The following PFKFB3 variants were observed in gnomAD, a reference collection of about 807,000 sequenced individuals.
The protein encoded by PFKFB3 is 6-phosphofructo-2-kinase/fructose-2,6-bisphosphatase 3.
In PFKFB3, 33 loss-of-function variants were observed where a neutral mutation model predicts 68.0. That is an observed-to-expected ratio of 0.49 (90% confidence interval 0.37 to 0.65). PFKFB3 has a LOEUF of 0.65. Ranked by LOEUF, PFKFB3 falls within the 30% of genes least tolerant of loss-of-function variation. The probability of loss-of-function intolerance (pLI) is 0.00; values close to 1 mark genes in which losing one functional copy is unlikely to be tolerated. For missense variants in PFKFB3, 586 were observed against 712.2 expected (o/e 0.82, Z 2.02); for synonymous variants, 315 against 288.2 (o/e 1.09, Z -0.94).
intron 1 of PFKFB3, among the ~76,000 whole-genome samples, chr10:6,181,709 G>A (rs12217717): frequency 0.3 from 45,138 of 150,508 alleles, 7,130 homozygotes; most frequent in East Asian, 0.58. Flanking sequence ...AGGGTGGGAG[G>A]ATCACTTGAG....
At chr10:6,251,484 T>G (rs1846378942) in intron 14 of PFKFB3, among the ~76,000 whole-genome samples, 1 of 152,262 alleles carries the variant, frequency 6.6e-6, no homozygotes, top group Non-Finnish European at 1.5e-5. Flanking sequence ...GATGGTTTGT[T>G]ACAACCTTGT....
chr10:6,224,397 C>T (rs934513128), intron 13 of PFKFB3, 184 bp downstream of exon 13: 1 of 632,916 alleles, frequency 1.6e-6, no homozygotes, highest in African/African-American at 1.8e-5. Context: ...GCTTCTGGGG[C>T]CTTCTCATTT....
At chr10:6,285,064 CT>C in the PFKFB3 span, among the ~76,000 whole-genome samples, 1 of 152,114 alleles carries the variant, frequency 6.6e-6, no homozygotes, top group African/African-American at 2.4e-5. Context: ...CAAGTATCTG[CT>C]TAGCCTCCTG....
At chr10:6,281,166 CAT>C in the PFKFB3 span, among the ~76,000 whole-genome samples, 25 of 84,430 alleles carry the variant, frequency 3.0e-4, 2 homozygotes, top group Admixed American at 3.8e-4. Context: ...AGTATTCCAT[CAT>C]ATATATATAT....
intron 1 of PFKFB3, among the ~76,000 whole-genome samples, chr10:6,205,581 CG>C (rs1422516440): frequency 6.6e-6 from 1 of 151,748 alleles, no homozygotes; most frequent in Admixed American, 6.6e-5. Context: ...TTAGTAAAGA[CG>C]GGGTTTCACC....
At chr10:6,274,564 A>G in the PFKFB3 span, among the ~76,000 whole-genome samples, 1 of 152,234 alleles carries the variant, frequency 6.6e-6, no homozygotes, top group Non-Finnish European at 1.5e-5. Context: ...CATCTGCAAC[A>G]GGCTGGGTGT....
At chr10:6,226,493 G>A (rs1845368484) in intron 14 of PFKFB3, 128 bp downstream of exon 14, 2 of 819,934 alleles carry the variant, frequency 2.4e-6, no homozygotes, top group Non-Finnish European at 3.7e-6. Flanking sequence ...GCGTGCGTAT[G>A]TTGTAGGTGT....
chr10:6,216,575 G>A, intron 4 of PFKFB3, 131 bp from the exon 5 acceptor site: 1 of 727,858 alleles, frequency 1.4e-6, no homozygotes, highest in Non-Finnish European at 2.4e-6. Context: ...CTGTGGGCAG[G>A]CACAAGCTCC....
the PFKFB3 span, among the ~76,000 whole-genome samples, chr10:6,283,777 C>A: frequency 6.6e-6 from 1 of 152,136 alleles, no homozygotes; most frequent in Admixed American, 6.5e-5. Context: ...CGGGTGGAAC[C>A]TAAGTGCTCA....
chr10:6,229,281 C>G lies in PFKFB3; in HGVS notation c.1515+2916C>G. On this transcript the variant is annotated intron_variant, in intron 14 of 14. Transcript: ENST00000379775. The surrounding 1 kb of genome is among the most constrained non-coding windows in gnomAD (Gnocchi z 4.3). The stretch of plus-strand genomic sequence containing the variant: ...GTTCCTTAAGACCACCCTGGGAGGT[C>G]GGCAGGGCAGTCAGTCCCCCGTTTA... 1 of 426,094 alleles carries G rather than the reference C, an allele frequency of 2.3e-6. No homozygotes were observed. The highest frequency in any genetic ancestry group is 1.7e-5 in the South Asian group (1 of 59,432). 26.4% of individuals were successfully genotyped at this position (426,094 alleles called of 1,614,324 possible).
the PFKFB3 span, among the ~76,000 whole-genome samples, chr10:6,318,001 T>C: frequency 1.3e-5 from 2 of 152,216 alleles, no homozygotes; most frequent in African/African-American, 4.8e-5. Context: ...AGAAGCAGCA[T>C]GTGGTTGTGA....
chr10:6,321,458 T>C, the PFKFB3 span, among the ~76,000 whole-genome samples: 1 of 152,176 alleles, frequency 6.6e-6, no homozygotes, highest in Non-Finnish European at 1.5e-5. Flanking sequence ...TTTTCCTTTG[T>C]TTACTTTTTA....
chr10:6,232,875 C>T lies in PFKFB3; in HGVS notation c.1516-20C>T. On this transcript the variant is annotated intron_variant, in intron 14 of 14. Transcript: ENST00000379775. The stretch of plus-strand genomic sequence containing the variant: ...ACAAATCCTAACTCCCTCCCCACCT[C>T]TCTTTTCTCCTGAAAACAGAACATG... 2 of 1,608,964 alleles carry T rather than the reference C, an allele frequency of 1.2e-6. No homozygotes were observed. The highest frequency in any genetic ancestry group is 1.7e-6 in the Non-Finnish European group (2 of 1,176,264).
chr10:6,310,825 C>T, the PFKFB3 span, among the ~76,000 whole-genome samples: 1 of 152,160 alleles, frequency 6.6e-6, no homozygotes, highest in African/African-American at 2.4e-5. Flanking sequence ...AAGAGCTTCT[C>T]AGAAAATAAG....
chr10:6,189,138 G>A (rs4750067), intron 1 of PFKFB3, among the ~76,000 whole-genome samples: 1,850 of 152,024 alleles, frequency 0.012, 17 homozygotes, highest in Non-Finnish European at 0.016. Flanking sequence ...CGCACCTGGC[G>A]ATTTCCTTCC....
the PFKFB3 span, among the ~76,000 whole-genome samples, chr10:6,278,069 C>A: frequency 2.0e-5 from 3 of 152,054 alleles, no homozygotes; most frequent in African/African-American, 7.2e-5. Flanking sequence ...AGGCATGTAC[C>A]ACCACACCCA....
At chr10:6,164,418 A>ATGT (rs1842067938) in intron 1 of PFKFB3, among the ~76,000 whole-genome samples, 1 of 152,144 alleles carries the variant, frequency 6.6e-6, no homozygotes, top group African/African-American at 2.4e-5. Context: ...AGAATTGGGG[A>ATGT]TGTTTAACCC....
chr10:6,253,629 G>C (rs1405688805), intron 14 of PFKFB3, among the ~76,000 whole-genome samples: 2 of 152,088 alleles, frequency 1.3e-5, no homozygotes, highest in Non-Finnish European at 2.9e-5. Context: ...TGCCTCAGGT[G>C]CTGGTGCAGA....
chr10:6,297,193 A>G, the PFKFB3 span, among the ~76,000 whole-genome samples: 5 of 152,228 alleles, frequency 3.3e-5, no homozygotes, highest in Non-Finnish European at 7.3e-5. Context: ...GTGTTTGGCT[A>G]AGTGCTGGAA....
Sources: allele counts gnomAD v4.1 joint callset (sites outside exome capture counted in the v4.1 genomes callset), GRCh38; gene constraint gnomAD v4.1.1; non-coding constraint Gnocchi (gnomAD v3.1); transcripts MANE v1.5; gene names NCBI Gene and HGNC (gene_info 2026-07-23, HGNC 2026-07-21).